DOCK4: variants seen among roughly 807,000 people sequenced by gnomAD.
DOCK4 encodes the protein dedicator of cytokinesis protein 4.
In DOCK4, 97 loss-of-function variants were observed where a neutral mutation model predicts 268.1. That is an observed-to-expected ratio of 0.36 (90% confidence interval 0.31 to 0.43). The LOEUF (loss-of-function observed/expected upper bound fraction) is 0.43, where lower values mean the gene tolerates loss of function less well. DOCK4 is among the 20% of genes least tolerant of loss of function. DOCK4 has a pLI of 1.00. For synonymous variants in DOCK4, 954 were observed against 887.2 expected, an observed-to-expected ratio of 1.08 and a Z score of -1.34; for missense variants, 2,145 against 2,455.7, an observed-to-expected ratio of 0.87 and a Z score of 2.67.
intron 1 of DOCK4, among the ~76,000 whole-genome samples, chr7:112,092,756 C>T (rs189437587): frequency 1.3e-4 from 20 of 152,278 alleles, no homozygotes; most frequent in African/African-American, 4.6e-4. Context: ...AGCAATAGAT[C>T]AGAAGGCCAT....
In DOCK4 at chr7:111,945,604, C is replaced by A; in HGVS notation, c.783+113G>T. On this transcript the variant is annotated intron_variant, in intron 9 of 52. Coordinates refer to ENST00000428084, the MANE Select transcript of DOCK4 (RefSeq NM_001363540.2). The stretch of plus-strand genomic sequence containing the variant: ...ACTAATGTAATTTGTGTGTTATTTA[C>A]ATAAAGTTTAAAAGCAAATTCACTA... 4.6e-6 allele frequency: 4 copies of A among 867,728 alleles called. 1 individual carries two copies. In the South Asian group the frequency reaches 5.2e-5, roughly 11 times the overall value. The allele number at this position is 867,728 out of a possible 1,614,324, so 53.8% of individuals were successfully genotyped here.
intron 20 of DOCK4, among the ~76,000 whole-genome samples, chr7:111,871,220 T>C (rs762565076): frequency 6.6e-6 from 1 of 152,098 alleles, no homozygotes; most frequent in African/African-American, 2.4e-5. Flanking sequence ...AGGTATAAGG[T>C]AGAAATATGG....
At chr7:111,816,277 G>C (rs1801546337) in intron 27 of DOCK4, among the ~76,000 whole-genome samples, 1 of 152,096 alleles carries the variant, frequency 6.6e-6, no homozygotes, top group Non-Finnish European at 1.5e-5. Context: ...ACTGGGTCTT[G>C]ACAATATTGA....
intron 1 of DOCK4, among the ~76,000 whole-genome samples, chr7:112,164,800 AGCTAAG>A (rs1459567307): frequency 6.6e-6 from 1 of 152,226 alleles, no homozygotes; most frequent in Non-Finnish European, 1.5e-5. Context: ...CAGATGAGGA[AGCTAAG>A]GCTTAAATAC....
chr7:111,960,363 T>TAAA (rs554540895), intron 8 of DOCK4, among the ~76,000 whole-genome samples: 1 of 132,504 alleles, frequency 7.5e-6, no homozygotes, highest in African/African-American at 2.8e-5. Flanking sequence ...GGCTCTGTCT[T>TAAA]AAAAAAAAAA....
At chr7:111,838,086 CAAAAAAA>C (rs749907970) in intron 25 of DOCK4, among the ~76,000 whole-genome samples, 2 of 29,836 alleles carry the variant, frequency 6.7e-5, no homozygotes, top group African/African-American at 1.0e-4. Context: ...AACCCTACCT[CAAAAAAA>C]AAAAAAAAAA....
At chr7:111,772,282 T>C (rs554760177) in intron 36 of DOCK4, among the ~76,000 whole-genome samples, 240 of 152,140 alleles carry the variant, frequency 1.6e-3, no homozygotes, top group African/African-American at 5.6e-3. Context: ...TGTGGTGGCA[T>C]ACGCCTGTAG....
chr7:112,068,369 A>AT (rs1351823054), intron 1 of DOCK4, among the ~76,000 whole-genome samples: 2 of 152,200 alleles, frequency 1.3e-5, no homozygotes, highest in Non-Finnish European at 2.9e-5. Flanking sequence ...GGGAGGTAGC[A>AT]TAGTACTATG....
intron 1 of DOCK4, among the ~76,000 whole-genome samples, chr7:112,180,137 TC>T (rs1818895068): frequency 6.6e-6 from 1 of 152,160 alleles, no homozygotes; most frequent in Non-Finnish European, 1.5e-5. Flanking sequence ...GCATAGTTCT[TC>T]ATTCAGAAAA....
In DOCK4 at chr7:111,726,201, G is replaced by T. The variant is rs1279907247; in HGVS notation, c.*2073C>A. 1 of 152,616 alleles carries T rather than the reference G, an allele frequency of 6.6e-6. No individual in the cohort carries two copies. Among genetic ancestry groups the T allele is most frequent in the East Asian group, 1.9e-4 (1 of 5,204 alleles). 9.5% of individuals were successfully genotyped at this position (152,616 alleles called of 1,614,324 possible). ...CTAACAGAATCTCTTAAAATGTTCT[G>T]CTATGTAGCTGCTTCAGAAATACAC... On this transcript the variant is annotated 3_prime_UTR_variant, in exon 53 of 53. Coordinates refer to ENST00000428084, the MANE Select transcript of DOCK4 (RefSeq NM_001363540.2).
In DOCK4 at chr7:111,877,017, C is replaced by T. The variant is rs1806949379; in HGVS notation, c.1744+13G>A. On this transcript the variant is annotated intron_variant, in intron 17 of 52. Transcript: ENST00000428084. ...TAGGTACTAGGGCTTTCAAATAAAA[C>T]ATTATACATTACCATTTTGTGTGAG... The T allele has an allele frequency of 1.0e-5, 15 of 1,495,478 alleles. No homozygotes were observed. The highest frequency in any genetic ancestry group is 1.3e-5 in the Non-Finnish European group (15 of 1,119,488). 92.6% of individuals were successfully genotyped at this position (1,495,478 alleles called of 1,614,324 possible). A position where few individuals can be genotyped will look rare whatever the true frequency, so the allele number is the denominator to read the frequency against.
chr7:111,936,623 T>A (rs913509603), intron 11 of DOCK4, among the ~76,000 whole-genome samples: 1 of 152,132 alleles, frequency 6.6e-6, no homozygotes, highest in Non-Finnish European at 1.5e-5. Context: ...CTCTCCCAGA[T>A]TGGCTGGGGA....
At chr7:111,774,084 C>A (rs1798294738) in intron 36 of DOCK4, among the ~76,000 whole-genome samples, 1 of 151,942 alleles carries the variant, frequency 6.6e-6, no homozygotes, top group Admixed American at 6.6e-5. Context: ...TGAAGATTAT[C>A]CATATATACA....
chr7:111,845,262 T>A (rs1023679795), intron 24 of DOCK4, among the ~76,000 whole-genome samples: 1 of 152,254 alleles, frequency 6.6e-6, no homozygotes, highest in African/African-American at 2.4e-5. Context: ...CTATGATTCC[T>A]TGGTTCCAGA....
intron 1 of DOCK4, among the ~76,000 whole-genome samples, chr7:112,015,240 C>T (rs1384610368): frequency 1.3e-5 from 2 of 152,184 alleles, no homozygotes; most frequent in Non-Finnish European, 2.9e-5. Flanking sequence ...CACACTCCCA[C>T]CAGCACCAGG....
intron 16 of DOCK4, among the ~76,000 whole-genome samples, chr7:111,894,181 C>T (rs1186246869): frequency 2.0e-5 from 3 of 148,858 alleles, no homozygotes; most frequent in African/African-American, 7.5e-5. Flanking sequence ...AAGATTGTGC[C>T]GCTGCACTCC....
At chr7:111,828,904 A>G (rs10251048) in intron 26 of DOCK4, among the ~76,000 whole-genome samples, 8 of 149,342 alleles carry the variant, frequency 5.4e-5, no homozygotes, top group Non-Finnish European at 8.9e-5. Context: ...ATATATATAT[A>G]TATGTATATA....
chr7:111,849,329 C>A (rs1431279826), intron 23 of DOCK4, among the ~76,000 whole-genome samples: 3 of 145,836 alleles, frequency 2.1e-5, no homozygotes, highest in Non-Finnish European at 4.5e-5. Flanking sequence ...GTGGTGCAAT[C>A]TTGGCTCACT....
chr7:111,863,721 TA>T (rs1805747448), intron 22 of DOCK4, among the ~76,000 whole-genome samples, 157 bp from the exon 23 acceptor site: 1 of 152,156 alleles, frequency 6.6e-6, no homozygotes, highest in South Asian at 2.1e-4. Flanking sequence ...GGTAAATTTT[TA>T]AAAAGTGCAG....
Sources: allele counts gnomAD v4.1 joint callset (sites outside exome capture counted in the v4.1 genomes callset), GRCh38; gene constraint gnomAD v4.1.1; transcripts MANE v1.5; gene names NCBI Gene and HGNC (gene_info 2026-07-23, HGNC 2026-07-21).